The following NELL1 variants were observed in gnomAD, a reference collection of about 807,000 sequenced individuals.
The protein encoded by NELL1 is protein kinase C-binding protein NELL1.
Under a neutral mutation model 107.4 loss-of-function variants are expected in NELL1, and 76 were observed. The observed-to-expected ratio is 0.71, with a 90% CI of 0.59 to 0.86. The LOEUF is 0.86. NELL1 is among the 40% of genes least tolerant of loss of function. NELL1 has a pLI of 0.00. For synonymous variants in NELL1, 353 were observed against 341.2 expected, an observed-to-expected ratio of 1.03 and a Z score of -0.38; for missense variants, 1,024 against 1,005.5, an observed-to-expected ratio of 1.02 and a Z score of -0.25.
chr11:21,114,697 T>G (rs1855190778), intron 13 of NELL1, among the ~76,000 whole-genome samples: 1 of 151,998 alleles, frequency 6.6e-6, no homozygotes, highest in Non-Finnish European at 1.5e-5. Flanking sequence ...GAGTTCAGAT[T>G]GACACAGGTT....
At chr11:21,413,045 A>G (rs1852418342) in intron 15 of NELL1, among the ~76,000 whole-genome samples, 1 of 152,098 alleles carries the variant, frequency 6.6e-6, no homozygotes, top group African/African-American at 2.4e-5. Context: ...CACTTTGGCT[A>G]ATAGGAAATT....
intron 2 of NELL1, among the ~76,000 whole-genome samples, chr11:20,687,334 T>C (rs1854331759): frequency 6.6e-6 from 1 of 152,020 alleles, no homozygotes. Flanking sequence ...TTCAGTGCTA[T>C]TTTTGTTATT....
At chr11:20,949,413 G>A (rs1851029287) in intron 11 of NELL1, among the ~76,000 whole-genome samples, 2 of 152,130 alleles carry the variant, frequency 1.3e-5, no homozygotes, top group African/African-American at 4.8e-5. Context: ...GTATGTTTTG[G>A]AAATACCTAA....
chr11:21,191,427 C>T (rs1469441120), intron 13 of NELL1, among the ~76,000 whole-genome samples: 1 of 151,768 alleles, frequency 6.6e-6, no homozygotes, highest in African/African-American at 2.4e-5. Context: ...AGAGATATTC[C>T]CTAGAAGTCC....
chr11:20,891,122 G>A (rs1388293777), intron 5 of NELL1, among the ~76,000 whole-genome samples: 1 of 152,184 alleles, frequency 6.6e-6, no homozygotes, highest in East Asian at 1.9e-4. Flanking sequence ...GAAAGACCAA[G>A]TCACCTACAA....
At chr11:21,126,320 G>A (rs899800324) in intron 13 of NELL1, among the ~76,000 whole-genome samples, 2 of 151,912 alleles carry the variant, frequency 1.3e-5, no homozygotes, top group East Asian at 1.9e-4. Context: ...ACCTATTCAC[G>A]TAAGCAAGCA....
chr11:21,288,956 G>A (rs1446060548), intron 14 of NELL1, among the ~76,000 whole-genome samples: 3 of 152,140 alleles, frequency 2.0e-5, no homozygotes, highest in Admixed American at 6.5e-5. Flanking sequence ...AAGAAGGAGT[G>A]TTCTAAGAAG....
rs1337491294 is a variant in NELL1 at position 20,755,559 on chromosome 11, T to TTTTTTTTTTTTATTTA, written c.185-28119_185-28118insTTTTTTTTTATTTATT. Among the ~76,000 whole-genome samples, 126 of 17,670 alleles carry TTTTTTTTTTTTATTTA rather than the reference T, an allele frequency of 7.1e-3. No individual in the cohort carries two copies. In the East Asian group the frequency reaches 0.1, roughly 14 times the overall value. 11.6% of individuals were successfully genotyped at this position (17,670 alleles called of 152,430 possible). On this transcript the variant is annotated intron_variant, in intron 2 of 19. Transcript: ENST00000357134. ...GTTTTTGTTTTTTTTTGTTTTTGTT[T>TTTTTTTTTTTTATTTA]TTGTTTTTTTTTTTTTGAGACAGAA... is the stretch of plus-strand genomic sequence containing the variant.
chr11:20,837,554 C>A (rs1028585919), intron 3 of NELL1, among the ~76,000 whole-genome samples: 4 of 152,060 alleles, frequency 2.6e-5, no homozygotes, highest in African/African-American at 9.7e-5. Context: ...AAGGAACAAG[C>A]CTTCCTTGGA....
At chr11:21,444,015 T>C (rs868515132) in intron 15 of NELL1, among the ~76,000 whole-genome samples, 2 of 152,118 alleles carry the variant, frequency 1.3e-5, no homozygotes, top group African/African-American at 4.8e-5. Context: ...GTTAACAGTT[T>C]ATATATATAA....
At chr11:20,873,748 C>T (rs1294859805) in intron 4 of NELL1, among the ~76,000 whole-genome samples, 1 of 151,586 alleles carries the variant, frequency 6.6e-6, no homozygotes, top group Non-Finnish European at 1.5e-5. Context: ...TTTGTGTAAC[C>T]CACTGGTTGA....
At chr11:20,894,790 T>C (rs61880426) in intron 5 of NELL1, among the ~76,000 whole-genome samples, 4,321 of 152,276 alleles carry the variant, frequency 0.028, 118 homozygotes, top group East Asian at 0.16. Context: ...AATAGAGATA[T>C]GCATTTGTAT....
chr11:21,203,086 A>T (rs1284518894), intron 13 of NELL1, among the ~76,000 whole-genome samples: 1 of 152,180 alleles, frequency 6.6e-6, no homozygotes, highest in Non-Finnish European at 1.5e-5. Context: ...GCTGAGAAAA[A>T]TGTATATTCT....
intron 13 of NELL1, among the ~76,000 whole-genome samples, chr11:21,197,238 C>T (rs571419048): frequency 1.3e-5 from 2 of 150,342 alleles, no homozygotes; most frequent in East Asian, 3.9e-4. Flanking sequence ...AACAGTATGA[C>T]AGATAACACA....
At chr11:20,922,343 CT>C (rs1182049166) in intron 7 of NELL1, among the ~76,000 whole-genome samples, 1 of 151,970 alleles carries the variant, frequency 6.6e-6, no homozygotes, top group Non-Finnish European at 1.5e-5. Flanking sequence ...TTTGTATTAG[CT>C]CTGTGACAAT....
chr11:21,019,820 C>T (rs891162793), intron 12 of NELL1, among the ~76,000 whole-genome samples: 4 of 152,052 alleles, frequency 2.6e-5, no homozygotes, highest in Admixed American at 2.6e-4. Context: ...GTGATGAGCA[C>T]CCTGAATGGC....
chr11:20,974,957 G>T (rs780472508), intron 12 of NELL1, among the ~76,000 whole-genome samples: 8 of 152,052 alleles, frequency 5.3e-5, no homozygotes, highest in Non-Finnish European at 1.2e-4. Flanking sequence ...TTTAGTGAAA[G>T]GTTATTCACT....
At chr11:21,016,557 G>A (rs1015802741) in intron 12 of NELL1, among the ~76,000 whole-genome samples, 2 of 151,934 alleles carry the variant, frequency 1.3e-5, no homozygotes, top group Admixed American at 6.6e-5. Context: ...TCACCTCTTG[G>A]TGCCTTTATA....
chr11:20,774,163 T>TCTCCCCTCCC (rs1283510258), intron 2 of NELL1, among the ~76,000 whole-genome samples: 1 of 52,926 alleles, frequency 1.9e-5, no homozygotes, highest in African/African-American at 8.1e-5. Context: ...CATCCCTCCC[T>TCTCCCCTCCC]CTCCCCTCCC....
Sources: allele counts gnomAD v4.1 joint callset (sites outside exome capture counted in the v4.1 genomes callset), GRCh38; gene constraint gnomAD v4.1.1; transcripts MANE v1.5; gene names NCBI Gene and HGNC (gene_info 2026-07-23, HGNC 2026-07-21).